ZNF438: variants seen among roughly 807,000 people sequenced by gnomAD.
ZNF438 encodes zinc finger protein 438.
ZNF438 carries 25 observed loss-of-function variants against 38.0 expected under a neutral mutation model. The observed-to-expected ratio is 0.66, with a 90% CI of 0.48 to 0.92. The LOEUF (loss-of-function observed/expected upper bound fraction) is 0.92. ZNF438 is among the 40% of genes least tolerant of loss of function. The pLI is 0.00. For missense variants in ZNF438, 1,007 were observed against 999.6 expected, an observed-to-expected ratio of 1.01 and a Z score of -0.10; for synonymous variants, 372 against 364.1, an observed-to-expected ratio of 1.02 and a Z score of -0.25.
chr10:30,946,594 T>G (rs1342906522), intron 1 of ZNF438, among the ~76,000 whole-genome samples: 1 of 152,208 alleles, frequency 6.6e-6, no homozygotes, highest in Non-Finnish European at 1.5e-5. Context: ...ACATGACTCT[T>G]TTACTTTTAA....
chr10:30,868,996 T>A (rs2036933175), intron 4 of ZNF438, among the ~76,000 whole-genome samples: 1 of 152,258 alleles, frequency 6.6e-6, no homozygotes, highest in South Asian at 2.1e-4. Flanking sequence ...TCTGAGAGAC[T>A]CTGCTGCCAA....
rs566401687 is a variant in ZNF438 at position 30,872,425 on chromosome 10, C to CA, written c.37+4572dup. Among the ~76,000 whole-genome samples the CA allele has an allele frequency of 6.6e-4, 39 of 58,698 alleles. 4 individuals are homozygous for CA. Among genetic ancestry groups the CA allele is most frequent in the Non-Finnish European group, 1.1e-3 (33 of 30,562 alleles). 38.5% of individuals were successfully genotyped at this position (58,698 alleles called of 152,430 possible). On this transcript the variant is annotated intron_variant, in intron 4 of 5. Transcript: ENST00000413025. Reference sequence around the variant, plus strand: ...TGGGTGACAGAACAAGACTCTGTCTCAAAAAAAAAAAAAAAAAAAAAAAAA... The same window carrying CA: ...TGGGTGACAGAACAAGACTCTGTCTCAAAAAAAAAAAAAAAAAAAAAAAAAA...
intron 2 of ZNF438, among the ~76,000 whole-genome samples, chr10:30,930,836 C>CAAAAAAAAAAAAAAAAAAAAAAAAAAA (rs2045599179): frequency 2.4e-4 from 14 of 58,724 alleles, no homozygotes; most frequent in African/African-American, 8.3e-4. Context: ...AAAAAAAAAG[C>CAAAAAAAAAAAAAAAAAAAAAAAAAAA]AAATGGTTCT....
At chr10:30,943,858 TAAA>T (rs869079019) in intron 1 of ZNF438, among the ~76,000 whole-genome samples, 1 of 100,162 alleles carries the variant, frequency 1.0e-5, no homozygotes, top group Non-Finnish European at 2.2e-5. Context: ...CTTGAGATGG[TAAA>T]ACAAACAAAC....
Position 30,935,595 on chromosome 10 carries a change from T to C in ZNF438, c.-115+5980A>G, listed in dbSNP as rs2046163936. On this transcript the variant is annotated intron_variant, in intron 2 of 5. Coordinates refer to ENST00000413025, the Ensembl canonical transcript of ZNF438. ...TCACCTCAAACATGGGGATCAAATTTTAACATGAGATTTGGAGAGTGTATT... is the reference window on the plus strand; with the variant it reads ...TCACCTCAAACATGGGGATCAAATTCTAACATGAGATTTGGAGAGTGTATT... 2.0e-5 allele frequency among the ~76,000 whole-genome samples: 3 copies of C among 152,148 alleles called. No homozygotes were observed. In the South Asian group the frequency reaches 6.2e-4, roughly 32 times the overall value.
At chr10:30,942,854 G>C (rs2046962407) in intron 1 of ZNF438, among the ~76,000 whole-genome samples, 2 of 152,188 alleles carry the variant, frequency 1.3e-5, no homozygotes, top group Admixed American at 1.3e-4. Context: ...TTTAGAAGAG[G>C]CCTTCCACAA....
intron 2 of ZNF438, among the ~76,000 whole-genome samples, chr10:30,935,038 T>C (rs915408431): frequency 6.6e-6 from 1 of 152,200 alleles, no homozygotes; most frequent in Non-Finnish European, 1.5e-5. Context: ...TATTGTTGTA[T>C]TTTGCTTGAA....
At chr10:30,970,701 G>A (rs183894420) in intron 1 of ZNF438, among the ~76,000 whole-genome samples, 25 of 152,166 alleles carry the variant, frequency 1.6e-4, no homozygotes, top group East Asian at 1.5e-3. Context: ...CTATTGCAGC[G>A]TCTTTATGTC....
At chr10:31,032,175 A>C (rs1300540810), upstream of ZNF438, among the ~76,000 whole-genome samples, 1 of 152,240 alleles carries the variant, frequency 6.6e-6, no homozygotes, top group Admixed American at 6.5e-5. Context: ...GGAGACCTTC[A>C]GAAATACTGT....
At chr10:30,875,778 C>T (rs560580366) in intron 4 of ZNF438, among the ~76,000 whole-genome samples, 1 of 152,222 alleles carries the variant, frequency 6.6e-6, no homozygotes, top group Non-Finnish European at 1.5e-5. Flanking sequence ...CTGCTTACTC[C>T]CCATGGGTCC....
chr10:30,931,672 T>C (rs1304191669), intron 2 of ZNF438, among the ~76,000 whole-genome samples: 1 of 152,306 alleles, frequency 6.6e-6, no homozygotes, highest in East Asian at 1.9e-4. Context: ...TACTCTATAG[T>C]ACGAAAAACC....
intron 1 of ZNF438, among the ~76,000 whole-genome samples, chr10:30,982,588 A>G (rs1337059803): frequency 6.6e-6 from 1 of 152,194 alleles, no homozygotes; most frequent in Non-Finnish European, 1.5e-5. Flanking sequence ...TTATTCAGGC[A>G]TGGGTCTGTT....
chr10:30,850,411 T>G (rs779217030), intron 4 of ZNF438, 44 bp from the exon 6 acceptor site: 54 of 1,566,346 alleles, frequency 3.4e-5, no homozygotes, highest in Non-Finnish European at 4.5e-5. Flanking sequence ...ATGTAACTGT[T>G]CTGTTAGTGA....
intron 2 of ZNF438, among the ~76,000 whole-genome samples, chr10:30,927,743 C>A (rs1348774161): frequency 6.6e-6 from 1 of 152,202 alleles, no homozygotes; most frequent in Non-Finnish European, 1.5e-5. Flanking sequence ...TTTCATCCAA[C>A]CTTCACTATT....
At chr10:30,901,765 A>C (rs1260358410) in intron 3 of ZNF438, among the ~76,000 whole-genome samples, 1 of 151,840 alleles carries the variant, frequency 6.6e-6, no homozygotes, top group African/African-American at 2.4e-5. Context: ...ACTGACTTCA[A>C]GAATGAAGCC....
chr10:31,018,617 A>AT (rs2056374672), intron 1 of ZNF438, among the ~76,000 whole-genome samples: 1 of 152,204 alleles, frequency 6.6e-6, no homozygotes, highest in Non-Finnish European at 1.5e-5. Context: ...TCAGGCGCCA[A>AT]TTTTTGTACT....
chr10:30,941,756 G>A (rs999667099), intron 1 of ZNF438, 105 bp from the exon 3 acceptor site: 18 of 152,138 alleles, frequency 1.2e-4, no homozygotes, highest in African/African-American at 4.3e-4. Context: ...AGAGTTCTAC[G>A]AAGTTCTGTA....
At chr10:30,848,964 A>G in exon 5 of ZNF438, 3 of 1,614,226 alleles carry the variant, frequency 1.9e-6, no homozygotes, top group Non-Finnish European at 2.5e-6. Flanking sequence ...TCTTGCTTAC[A>G]GCCAAGATAT....
chr10:30,894,213 T>C (rs1002660415), intron 3 of ZNF438, among the ~76,000 whole-genome samples: 3 of 152,242 alleles, frequency 2.0e-5, no homozygotes, highest in Non-Finnish European at 2.9e-5. Flanking sequence ...TACTATTTAT[T>C]TAAACCCAAA....
Sources: allele counts gnomAD v4.1 joint callset (sites outside exome capture counted in the v4.1 genomes callset), GRCh38; gene constraint gnomAD v4.1.1; transcripts MANE v1.5; gene names NCBI Gene and HGNC (gene_info 2026-07-23, HGNC 2026-07-21).